ESR2: variants seen among roughly 807,000 people sequenced by gnomAD.
ESR2 encodes the protein estrogen receptor 2.
Under a neutral mutation model 49.6 loss-of-function variants are expected in ESR2, and 36 were observed. The ratio of observed to expected loss-of-function variants is 0.73; its 90% confidence interval spans 0.56 to 0.96. The LOEUF is 0.96. ESR2 is among the 40% of genes least tolerant of loss of function. ESR2 has a pLI of 0.00. For synonymous variants in ESR2, 320 were observed against 266.1 expected, an observed-to-expected ratio of 1.20 and a Z score of -1.97; for missense variants, 714 against 693.0, an observed-to-expected ratio of 1.03 and a Z score of -0.34.
rs2098728569 is a variant in ESR2, at chr14:64,232,859, A to C, written c.*278T>G. 2 of 401,028 alleles carry C rather than the reference A, an allele frequency of 5.0e-6. No individual in the cohort carries two copies. Among genetic ancestry groups the C allele is most frequent in the African/African-American group, 4.0e-5 (2 of 50,218 alleles). The allele number at this position is 401,028 out of a possible 1,614,324, so 24.8% of individuals were successfully genotyped here. On this transcript the variant is annotated 3_prime_UTR_variant, in exon 9 of 9. Coordinates refer to ENST00000341099, the MANE Select transcript of ESR2 (RefSeq NM_001437.3). ...AGATGTTTCACAAAGGGGAGGAAGGAAGAAGGAAAGTAAGAAAGACCACAC... is the reference window on the plus strand; with the variant it reads ...AGATGTTTCACAAAGGGGAGGAAGGCAGAAGGAAAGTAAGAAAGACCACAC...
intron 1 of ESR2, among the ~76,000 whole-genome samples, chr14:64,291,339 T>C (rs1428047917): frequency 6.6e-6 from 1 of 152,136 alleles, no homozygotes; most frequent in Non-Finnish European, 1.5e-5. Context: ...ACAAAGATTC[T>C]CCACTAAAAG....
chr14:64,242,413 A>C (rs1004973534), intron 7 of ESR2, among the ~76,000 whole-genome samples: 2 of 126,722 alleles, frequency 1.6e-5, no homozygotes, highest in South Asian at 4.6e-4. Context: ...CTCAAAAAAA[A>C]AAAACAAAAA....
intron 7 of ESR2, among the ~76,000 whole-genome samples, chr14:64,238,480 G>T (rs2075653183): frequency 6.6e-6 from 1 of 152,132 alleles, no homozygotes; most frequent in Admixed American, 6.5e-5. Flanking sequence ...GAATACCCAT[G>T]CTGCTGCCTG....
chr14:64,236,066 A>G (rs1228007034), intron 7 of ESR2, among the ~76,000 whole-genome samples: 1 of 152,152 alleles, frequency 6.6e-6, no homozygotes. Flanking sequence ...GAGACTGATG[A>G]TGGCTGGTGC....
At chr14:64,271,350 G>A (rs1211003134) in intron 3 of ESR2, among the ~76,000 whole-genome samples, 1 of 151,940 alleles carries the variant, frequency 6.6e-6, no homozygotes, top group Non-Finnish European at 1.5e-5. Context: ...TTTGGAGACG[G>A]AGTCTCTCTC....
At chr14:64,265,508 GC>G (rs1396942998) in intron 4 of ESR2, among the ~76,000 whole-genome samples, 1 of 152,160 alleles carries the variant, frequency 6.6e-6, no homozygotes, top group Non-Finnish European at 1.5e-5. Context: ...CAGAGCTGGT[GC>G]TTTTAACCAC....
chr14:64,280,601 A>C (rs1297620054), intron 2 of ESR2, among the ~76,000 whole-genome samples: 2 of 152,230 alleles, frequency 1.3e-5, no homozygotes, highest in African/African-American at 4.8e-5. Flanking sequence ...ACCACTTCCA[A>C]ACATCAGTCA....
At position 64,230,864 on chromosome 14, in the gene ESR2, A is replaced by G. The variant is rs1567723165; in HGVS notation, c.*2273T>C. The G allele has an allele frequency of 1.2e-5, 1 of 83,190 alleles. No homozygotes were observed. The highest frequency in any genetic ancestry group is 6.9e-5 in the African/African-American group (1 of 14,472). 5.2% of individuals were successfully genotyped at this position (83,190 alleles called of 1,614,324 possible). A position where few individuals can be genotyped will look rare whatever the true frequency, so the allele number is the denominator to read the frequency against. On this transcript the variant is annotated 3_prime_UTR_variant, in exon 9 of 9. Transcript: ENST00000341099. Reference sequence around the variant, plus strand: ...TAAGATCTACTCTCAAAAAAAAAAAATTATATATATATATATATATATATT... The same window carrying G: ...TAAGATCTACTCTCAAAAAAAAAAAGTTATATATATATATATATATATATT...
At chr14:64,295,466 C>T (rs1201176089), upstream of ESR2, among the ~76,000 whole-genome samples, 1 of 152,180 alleles carries the variant, frequency 6.6e-6, no homozygotes, top group Non-Finnish European at 1.5e-5. Context: ...GCTTCATCAG[C>T]TAAACAATAG....
chr14:64,284,308 G>T (rs1017138818), intron 1 of ESR2, among the ~76,000 whole-genome samples: 1 of 151,910 alleles, frequency 6.6e-6, no homozygotes, highest in East Asian at 1.9e-4. Context: ...CACAAGGCTG[G>T]GGGTGCTGGC....
At chr14:64,279,916 T>C in intron 3 of ESR2, 65 bp downstream of exon 3, 7 of 1,376,476 alleles carry the variant, frequency 5.1e-6, no homozygotes, top group Non-Finnish European at 7.2e-6. Flanking sequence ...TGCCAAGTCA[T>C]CTCTGCAAAA....
At chr14:64,253,926 T>A (rs2076045180) in intron 6 of ESR2, among the ~76,000 whole-genome samples, 2 of 152,178 alleles carry the variant, frequency 1.3e-5, no homozygotes, top group Admixed American at 1.3e-4. Context: ...CACAAAAATG[T>A]CTTTGCATAT....
chr14:64,261,595 T>G (rs1305965675), intron 4 of ESR2, among the ~76,000 whole-genome samples: 1 of 151,954 alleles, frequency 6.6e-6, no homozygotes, highest in African/African-American at 2.4e-5. Context: ...TTTTTATATT[T>G]TTAGTAGAGA....
At chr14:64,257,989 G>A (rs1161435836) in intron 5 of ESR2, among the ~76,000 whole-genome samples, 1 of 152,096 alleles carries the variant, frequency 6.6e-6, no homozygotes, top group African/African-American at 2.4e-5. Flanking sequence ...GGTCAAGGTG[G>A]GTGGATTGCC....
At chr14:64,332,730 G>T (rs1026042176) in intron 1 of ESR2, among the ~76,000 whole-genome samples, 2 of 149,370 alleles carry the variant, frequency 1.3e-5, no homozygotes, top group Admixed American at 1.3e-4. Context: ...AACCCAGGAG[G>T]CGGAGCTTGC....
chr14:64,296,460 T>C (rs1319011201), upstream of ESR2, among the ~76,000 whole-genome samples: 1 of 152,252 alleles, frequency 6.6e-6, no homozygotes, highest in Non-Finnish European at 1.5e-5. Flanking sequence ...AGGCAAATTC[T>C]ATTACCCCCA....
In ESR2 at chr14:64,228,962, A is replaced by G. The variant is rs528205719; in HGVS notation, c.*4175T>C. Among the ~76,000 whole-genome samples the G allele has an allele frequency of 1.4e-4, 22 of 152,338 alleles. No individual in the cohort carries two copies. The highest frequency in any genetic ancestry group is 5.3e-4 in the African/African-American group (22 of 41,576). On this transcript the variant is annotated 3_prime_UTR_variant, in exon 9 of 9. Coordinates refer to ENST00000341099, the MANE Select transcript of ESR2 (RefSeq NM_001437.3). ...GTGGCACGTGTTTTCACACTGTAGT[A>G]TATCACACTCCACAGGGAAGCAGCA...
rs1235897177 is a variant in ESR2, at chr14:64,233,158, G to T, written c.1572C>A (p.Ser524=). ...PAEDSKSKEG[S]QNPQSQ is the part of the protein sequence containing the mutation. ...GGCGTCACTGAGACTGTGGGTTCTG[G>T]GAGCCCTCTTTGCTTTTACTGTCCT... The change falls in exon 9 of 9, where the codon TCC becomes TCA. Residue 524 remains serine (S), a synonymous_variant. Transcript: ENST00000341099. The T allele has an allele frequency of 2.5e-6, 4 of 1,613,840 alleles. No homozygotes were observed. The highest frequency in any genetic ancestry group is 3.3e-5 in the Admixed American group (2 of 60,008).
chr14:64,314,240 T>C (rs1412777789), intron 1 of ESR2, among the ~76,000 whole-genome samples: 2 of 150,638 alleles, frequency 1.3e-5, no homozygotes, highest in South Asian at 2.1e-4. Flanking sequence ...TCCAATCACA[T>C]GGAAATGAAA....
Sources: gnomAD v4.1 joint callset for allele counts (sites outside exome capture counted in the v4.1 genomes callset) on GRCh38, gnomAD v4.1.1 for gene constraint, MANE v1.5 for transcripts, NCBI Gene and HGNC (gene_info 2026-07-23, HGNC 2026-07-21) for gene names.